Variants in ZC3H12B observed in about 807,000 individuals in gnomAD.
ZC3H12B encodes the protein zinc finger CCCH-type containing 12B.
A neutral mutation model predicts 43.9 loss-of-function variants in ZC3H12B; 7 were observed. The ratio of observed to expected loss-of-function variants is 0.16; its 90% CI spans 0.09 to 0.30. The LOEUF (loss-of-function observed/expected upper bound fraction) is 0.30. Ranked by LOEUF, ZC3H12B falls within the 10% of genes least tolerant of loss-of-function variation. ZC3H12B has a pLI of 1.00. For missense variants in ZC3H12B, 475 were observed against 670.2 expected (o/e 0.71, Z 3.22); for synonymous variants, 222 against 241.7 (o/e 0.92, Z 0.76).
At chrX:65,212,285 A>G in the ZC3H12B span, among the ~76,000 whole-genome samples, 1 of 50,725 alleles carries the variant, frequency 2.0e-5, no homozygotes, top group African/African-American at 8.0e-5. Context: ...TAATATAATT[A>G]TAATATATTA....
the ZC3H12B span, among the ~76,000 whole-genome samples, chrX:65,110,955 A>G: frequency 1.3e-4 from 14 of 111,376 alleles, no homozygotes; most frequent in Non-Finnish European, 1.7e-4. Flanking sequence ...ATTTTGTTAT[A>G]TTTATACCTA....
chrX:65,147,517 G>A, the ZC3H12B span, among the ~76,000 whole-genome samples: 1 of 111,181 alleles, frequency 9.0e-6, no homozygotes, highest in Non-Finnish European at 1.9e-5. Flanking sequence ...TGGTCCTTGA[G>A]CATGAGTCTG....
the ZC3H12B span, among the ~76,000 whole-genome samples, chrX:65,322,960 A>AT: frequency 9.0e-6 from 1 of 111,188 alleles, no homozygotes; most frequent in African/African-American, 3.3e-5. Flanking sequence ...TAAGTATTAT[A>AT]TTTTTTGTGT....
the ZC3H12B span, among the ~76,000 whole-genome samples, chrX:65,159,560 CTCTG>C: frequency 5.7e-4 from 63 of 111,463 alleles, no homozygotes; most frequent in African/African-American, 2.0e-3. Context: ...TGATTTGGCT[CTCTG>C]TCTGTTATTG....
At chrX:65,384,907 TC>T (rs2066499920) in intron 2 of ZC3H12B, among the ~76,000 whole-genome samples, 1 of 112,357 alleles carries the variant, frequency 8.9e-6, no homozygotes, top group South Asian at 3.7e-4. Flanking sequence ...AAATAGGGAA[TC>T]CTTTCCCCAT....
the ZC3H12B span, among the ~76,000 whole-genome samples, chrX:65,205,816 C>A: frequency 8.9e-6 from 1 of 111,863 alleles, no homozygotes; most frequent in Non-Finnish European, 1.9e-5. Context: ...ATGAATTCAG[C>A]AAAGTTTCTG....
the ZC3H12B span, among the ~76,000 whole-genome samples, chrX:65,106,152 A>G: frequency 8.9e-6 from 1 of 111,741 alleles, no homozygotes; most frequent in East Asian, 2.8e-4. Flanking sequence ...ATACTTCAAG[A>G]GAATATTTTC....
chrX:65,222,053 G>A, the ZC3H12B span, among the ~76,000 whole-genome samples: 1 of 111,571 alleles, frequency 9.0e-6, no homozygotes, highest in African/African-American at 3.2e-5. Flanking sequence ...ATATCTGCAA[G>A]TCAATAAATG....
the ZC3H12B span, among the ~76,000 whole-genome samples, chrX:65,337,014 A>G: frequency 1.9e-3 from 217 of 112,354 alleles, 3 homozygotes; most frequent in African/African-American, 6.6e-3. Context: ...AAATATTTGG[A>G]AGGACTATAA....
chrX:65,470,585 TG>T (rs1255026450), intron 3 of ZC3H12B, among the ~76,000 whole-genome samples: 1 of 110,846 alleles, frequency 9.0e-6, no homozygotes, highest in Non-Finnish European at 1.9e-5. Context: ...CCCTCACCCT[TG>T]GGGCTTTCCC....
chrX:65,158,345 C>G, the ZC3H12B span, among the ~76,000 whole-genome samples: 1 of 111,426 alleles, frequency 9.0e-6, no homozygotes, highest in Non-Finnish European at 1.9e-5. Flanking sequence ...GAGGAATCGC[C>G]ACACTGACTT....
At chrX:65,257,370 G>A in the ZC3H12B span, among the ~76,000 whole-genome samples, 51 of 111,060 alleles carry the variant, frequency 4.6e-4, no homozygotes, top group African/African-American at 9.2e-4. Flanking sequence ...ACCAAACACC[G>A]CATGTTCTCA....
At chrX:65,456,621 T>C (rs1327204710) in intron 3 of ZC3H12B, among the ~76,000 whole-genome samples, 5 of 107,048 alleles carry the variant, frequency 4.7e-5, no homozygotes, top group Non-Finnish European at 9.7e-5. Context: ...GTTTTTTTTT[T>C]TTGGTGGAGA....
At chrX:65,393,899 G>A (rs1300681967) in intron 2 of ZC3H12B, among the ~76,000 whole-genome samples, 2 of 112,137 alleles carry the variant, frequency 1.8e-5, no homozygotes, top group African/African-American at 6.5e-5. Context: ...ATTCTAACTA[G>A]TGTGAGATGG....
intron 3 of ZC3H12B, among the ~76,000 whole-genome samples, chrX:65,402,682 T>G (rs1309190813): frequency 8.9e-6 from 1 of 112,219 alleles, no homozygotes; most frequent in Non-Finnish European, 1.9e-5. Context: ...AGTCTCTGCC[T>G]GGTAATCCAG....
chrX:65,323,939 G>A, the ZC3H12B span, among the ~76,000 whole-genome samples: 1 of 112,218 alleles, frequency 8.9e-6, no homozygotes. Context: ...TTTCTCTAAT[G>A]ACCAGTGATG....
the ZC3H12B span, among the ~76,000 whole-genome samples, chrX:65,150,172 A>T: frequency 6.3e-5 from 7 of 110,267 alleles, no homozygotes; most frequent in Admixed American, 3.9e-4. Context: ...TTTACTATAT[A>T]TTATTATTAC....
chrX:65,503,619 TTTA>T lies in ZC3H12B; in HGVS notation c.*413_*415del, dbSNP rs1199172716. 4.2e-4 allele frequency: 44 copies of T among 105,412 alleles called. No homozygotes were observed. The South Asian group carries it at 4.7e-3, about 11-fold the overall frequency. The allele number at this position is 105,412 out of a possible 1,213,427, so 8.7% of individuals were successfully genotyped here. A position where few individuals can be genotyped will look rare whatever the true frequency, so the allele number is the denominator to read the frequency against. On this transcript the variant is annotated 3_prime_UTR_variant, in exon 5 of 5. Transcript: ENST00000338957. ...CTCTTTTCGTTTCTTTCTTTCTTTC[TTTA>T]TTTTTTTTTTTTGAGACAGAATCTC...
the ZC3H12B span, among the ~76,000 whole-genome samples, chrX:65,113,508 G>A: frequency 0.015 from 1,636 of 109,063 alleles, 13 homozygotes; most frequent in Non-Finnish European, 0.02. Flanking sequence ...AGGTTGCAGT[G>A]AGCCATGATT....
Sources: allele counts gnomAD v4.1 joint callset (sites outside exome capture counted in the v4.1 genomes callset), GRCh38; gene constraint gnomAD v4.1.1; transcripts MANE v1.5; gene names NCBI Gene and HGNC (gene_info 2026-07-23, HGNC 2026-07-21).